Variants in ZFP2 observed in about 807,000 individuals in gnomAD.
ZFP2 encodes zinc finger protein ZFP2.
ZFP2 carries 33 observed loss-of-function variants against 36.1 expected under a neutral mutation model. That is an observed-to-expected ratio of 0.92 (90% confidence interval 0.69 to 1.22). The LOEUF (loss-of-function observed/expected upper bound fraction) is 1.22, where lower values mean the gene tolerates loss of function less well. Among genes scored for constraint, ZFP2 ranks in the 50% most tolerant of loss-of-function variants. The pLI is 0.00. For synonymous variants in ZFP2, 170 were observed against 178.0 expected, an observed-to-expected ratio of 0.96 and a Z score of 0.36; for missense variants, 522 against 551.4, an observed-to-expected ratio of 0.95 and a Z score of 0.53.
chr5:178,908,883 A>T (rs1397906378), intron 1 of ZFP2, among the ~76,000 whole-genome samples: 3 of 152,182 alleles, frequency 2.0e-5, no homozygotes, highest in African/African-American at 4.8e-5. Context: ...CAGGGCTTGC[A>T]TGTCTGACAT....
At position 178,915,261 on chromosome 5, in the gene ZFP2, C is replaced by T. The variant is rs558591550; in HGVS notation, c.-223-1304C>T. ...ATATATTTTGATACTGTGTTTTCAT[C>T]TCCCACTTCTTTACCCCATTCGTGC... On this transcript the variant is annotated intron_variant, in intron 3 of 4. Coordinates refer to ENST00000361362, the MANE Select transcript of ZFP2 (RefSeq NM_030613.4). Among the ~76,000 whole-genome samples the T allele has an allele frequency of 5.3e-5, 8 of 150,902 alleles. No individual in the cohort carries two copies. The South Asian group carries it at 1.3e-3, about 24-fold the overall frequency.
chr5:178,930,154 C>G (rs1758795314), intron 4 of ZFP2, among the ~76,000 whole-genome samples: 2 of 151,834 alleles, frequency 1.3e-5, no homozygotes. Context: ...AATCATCTCC[C>G]ATAAGGCCCC....
intron 3 of ZFP2, among the ~76,000 whole-genome samples, chr5:178,913,397 C>T (rs1162379020): frequency 6.6e-6 from 1 of 152,220 alleles, no homozygotes; most frequent in East Asian, 1.9e-4. Flanking sequence ...CTTTACGCAT[C>T]TTCTCTGGGC....
intron 4 of ZFP2, chr5:178,922,527 T>G: frequency 7.1e-7 from 1 of 1,399,988 alleles, no homozygotes; most frequent in South Asian, 1.1e-5. Context: ...GAGAATAGTC[T>G]CCAGATCACT....
chr5:178,912,635 G>T lies in ZFP2; in HGVS notation c.-398G>T. The T allele has an allele frequency of 9.5e-7, 1 of 1,052,094 alleles. No individual in the cohort carries two copies. Among genetic ancestry groups the T allele is most frequent in the Admixed American group, 4.2e-5 (1 of 23,686 alleles). 65.2% of individuals were successfully genotyped at this position (1,052,094 alleles called of 1,614,324 possible). On this transcript the variant is annotated 5_prime_UTR_variant, in exon 2 of 5. Coordinates refer to ENST00000361362, the MANE Select transcript of ZFP2 (RefSeq NM_030613.4). ...TGTGTCCATAGATTTCTCTTGGGAA[G>T]AGTGGATTCAAGCAGATTCTGCTCA...
Position 178,908,364 on chromosome 5 carries a change from G to A in ZFP2, c.-449-4220G>A, listed in dbSNP as rs780205109. Among the ~76,000 whole-genome samples the A allele has an allele frequency of 3.5e-4, 53 of 151,460 alleles. 2 individuals carry two copies. Among genetic ancestry groups the A allele is most frequent in the South Asian group, 2.1e-4 (1 of 4,782 alleles). On this transcript the variant is annotated intron_variant, in intron 1 of 4. Coordinates refer to ENST00000361362, the MANE Select transcript of ZFP2 (RefSeq NM_030613.4). The stretch of plus-strand genomic sequence containing the variant: ...CAGGAGGCCGAGGCAGGAGAATGGC[G>A]TGAACCTGGGAGGTGGAGCTTGTAG...
At chr5:178,910,931 T>G (rs1189366560) in intron 1 of ZFP2, among the ~76,000 whole-genome samples, 1 of 152,214 alleles carries the variant, frequency 6.6e-6, no homozygotes, top group East Asian at 1.9e-4. Flanking sequence ...AAAAGGTTCC[T>G]TTTAATAGGG....
chr5:178,932,731 T>C lies in ZFP2; in HGVS notation c.*32T>C, dbSNP rs577820949. ...TTTTCACTGGCCCTTACCTCATGAT[T>C]AACTCTTCAGTAATAATCATATGAG... is the stretch of plus-strand genomic sequence containing the variant. On this transcript the variant is annotated 3_prime_UTR_variant, in exon 5 of 5. Transcript: ENST00000361362. The C allele has an allele frequency of 6.5e-7, 1 of 1,541,702 alleles. No individual in the cohort carries two copies. Among genetic ancestry groups the C allele is most frequent in the Non-Finnish European group, 8.7e-7 (1 of 1,147,860 alleles).
At chr5:178,908,855 T>TG (rs1005691468) in intron 1 of ZFP2, among the ~76,000 whole-genome samples, 31 of 145,296 alleles carry the variant, frequency 2.1e-4, no homozygotes, top group African/African-American at 6.2e-4. Flanking sequence ...AGCTGAGTGT[T>TG]GGGAAAAAAA....
At chr5:178,927,892 C>T (rs1000894109) in intron 4 of ZFP2, among the ~76,000 whole-genome samples, 2 of 151,456 alleles carry the variant, frequency 1.3e-5, no homozygotes, top group African/African-American at 4.9e-5. Flanking sequence ...ACAGGCTGTA[C>T]GGGAAGCATT....
intron 1 of ZFP2, chr5:178,909,817 G>A: frequency 3.1e-6 from 5 of 1,593,050 alleles, no homozygotes; most frequent in Non-Finnish European, 4.3e-6. Flanking sequence ...GTGTCGAAGA[G>A]ATTTGGCCAG....
intron 1 of ZFP2, among the ~76,000 whole-genome samples, chr5:178,902,438 A>G (rs948761717): frequency 8.5e-5 from 13 of 152,192 alleles, no homozygotes; most frequent in South Asian, 2.1e-4. Flanking sequence ...GCAGAATCCA[A>G]TCCACATCAC....
intron 1 of ZFP2, among the ~76,000 whole-genome samples, chr5:178,912,114 C>T (rs1017816736): frequency 6.6e-6 from 1 of 152,096 alleles, no homozygotes; most frequent in Non-Finnish European, 1.5e-5. Flanking sequence ...GCCTCGGCTA[C>T]AGAGCAAGAC....
intron 1 of ZFP2, among the ~76,000 whole-genome samples, chr5:178,904,392 C>G (rs1041867743): frequency 6.6e-6 from 1 of 152,098 alleles, no homozygotes; most frequent in African/African-American, 2.4e-5. Flanking sequence ...GAGTGTCACT[C>G]AGGGCTGTTT....
Position 178,932,268 on chromosome 5 carries a change from C to T in ZFP2, c.955C>T (p.Leu319Phe), listed in dbSNP as rs764123229. The change falls in exon 5 of 5, where the codon CTT (leucine) becomes TTT (phenylalanine). Residue 319 changes from leucine to phenylalanine, a missense_variant. By Grantham distance (22) the Leu-to-Phe change is conservative. Coordinates refer to ENST00000361362, the MANE Select transcript of ZFP2 (RefSeq NM_030613.4). ...QSTYLIEHQR[L>F]HSGVKPFECN... ...TACATATCTTATAGAACATCAGAGA[C>T]TTCATTCTGGAGTAAAACCTTTTGA... is the stretch of plus-strand genomic sequence containing the variant. 3 of 1,614,138 alleles carry T rather than the reference C, an allele frequency of 1.9e-6. No homozygotes were observed. Among genetic ancestry groups the T allele is most frequent in the South Asian group, 1.1e-5 (1 of 91,080 alleles).
intron 4 of ZFP2, among the ~76,000 whole-genome samples, chr5:178,926,339 TAGA>T (rs1004126080): frequency 2.0e-5 from 3 of 152,198 alleles, no homozygotes; most frequent in African/African-American, 7.2e-5. Flanking sequence ...TATCTTTGGA[TAGA>T]AGCAGTTCTG....
chr5:178,921,192 A>T (rs575153060), intron 4 of ZFP2, among the ~76,000 whole-genome samples: 2 of 152,190 alleles, frequency 1.3e-5, no homozygotes, highest in African/African-American at 4.8e-5. Flanking sequence ...ATGCATATGT[A>T]TCTCGCAGGT....
At chr5:178,918,955 GC>G (rs148431280) in intron 4 of ZFP2, among the ~76,000 whole-genome samples, 21 of 152,200 alleles carry the variant, frequency 1.4e-4, no homozygotes, top group African/African-American at 3.6e-4. Flanking sequence ...TCTGAGTAAA[GC>G]CCCCCTAACC....
Position 178,913,839 on chromosome 5 carries a change from C to T in ZFP2, c.-224+768C>T, listed in dbSNP as rs1581834781. 2.0e-5 allele frequency: 3 copies of T among 149,842 alleles called. No homozygotes were observed. The East Asian group carries it at 5.8e-4, about 29-fold the overall frequency. 9.3% of individuals were successfully genotyped at this position (149,842 alleles called of 1,614,324 possible). ...TCTTCTCTACCATGTGCAAAAGTAC[C>T]AATCATTTCTTTTTTTTTCTTTTTT... On this transcript the variant is annotated intron_variant, in intron 3 of 4. Coordinates refer to ENST00000361362, the MANE Select transcript of ZFP2 (RefSeq NM_030613.4).
Sources: gnomAD v4.1 joint callset for allele counts (sites outside exome capture counted in the v4.1 genomes callset) on GRCh38, gnomAD v4.1.1 for gene constraint, MANE v1.5 for transcripts, NCBI Gene and HGNC (gene_info 2026-07-23, HGNC 2026-07-21) for gene names.